HYDIN: variants seen among roughly 807,000 people sequenced by gnomAD.
HYDIN encodes axonemal central pair apparatus protein HYDIN.
A neutral mutation model predicts 403.9 loss-of-function variants in HYDIN; 132 were observed. That is an observed-to-expected ratio of 0.33 (90% CI 0.28 to 0.38). The LOEUF (loss-of-function observed/expected upper bound fraction) is 0.38. Ranked by LOEUF, HYDIN falls within the 10% of genes least tolerant of loss-of-function variation. The pLI is 1.00. For synonymous variants in HYDIN, 1,202 were observed against 1,891.7 expected (o/e 0.64, Z 9.46); for missense variants, 2,827 against 5,009.5 (o/e 0.56, Z 13.15).
chr16:70,906,264 C>T (rs1334997382), intron 50 of HYDIN, among the ~76,000 whole-genome samples: 5 of 152,080 alleles, frequency 3.3e-5, no homozygotes, highest in African/African-American at 9.7e-5. Flanking sequence ...CTACTTTCCA[C>T]AAAAACTGTT....
At chr16:70,810,189 C>T (rs1446337949) in intron 84 of HYDIN, among the ~76,000 whole-genome samples, 182 bp from the exon 85 acceptor site, 1 of 152,214 alleles carries the variant, frequency 6.6e-6, no homozygotes, top group East Asian at 1.9e-4. Context: ...CCTCTCCTAG[C>T]TTTCTCTAGT....
At chr16:71,042,350 A>G (rs980961443) in intron 18 of HYDIN, among the ~76,000 whole-genome samples, 1 of 151,904 alleles carries the variant, frequency 6.6e-6, no homozygotes, top group African/African-American at 2.4e-5. Context: ...ATTTGCCTCT[A>G]TATTGCTAAG....
At chr16:70,830,408 CA>C (rs2036896071) in intron 80 of HYDIN, among the ~76,000 whole-genome samples, 1 of 140,528 alleles carries the variant, frequency 7.1e-6, no homozygotes, top group Admixed American at 7.0e-5. Flanking sequence ...GATAAAGTGA[CA>C]GGGGACAGCA....
At chr16:71,168,135 T>C (rs956402946) in intron 5 of HYDIN, among the ~76,000 whole-genome samples, 2 of 151,136 alleles carry the variant, frequency 1.3e-5, no homozygotes, top group African/African-American at 4.9e-5. Flanking sequence ...CTGGCCAACA[T>C]AGTGAAACCC....
intron 46 of HYDIN, among the ~76,000 whole-genome samples, chr16:70,919,228 G>A (rs552673431): frequency 1.3e-3 from 194 of 152,348 alleles, no homozygotes; most frequent in Non-Finnish European, 2.1e-3. Flanking sequence ...CAGAGCCAGG[G>A]AGTTCTTCAA....
At chr16:70,926,363 A>G (rs11866384) in intron 45 of HYDIN, among the ~76,000 whole-genome samples, 2 of 151,938 alleles carry the variant, frequency 1.3e-5, no homozygotes, top group African/African-American at 4.8e-5. Context: ...TTGCAAGGAC[A>G]AAAAACCAAA....
At chr16:71,137,609 C>T (rs1274102775) in intron 7 of HYDIN, among the ~76,000 whole-genome samples, 1 of 151,934 alleles carries the variant, frequency 6.6e-6, no homozygotes, top group Non-Finnish European at 1.5e-5. Context: ...GTTGTGGGCA[C>T]TCCAAAACTT....
intron 1 of HYDIN, among the ~76,000 whole-genome samples, chr16:71,206,483 C>CTTG: frequency 6.6e-6 from 1 of 152,138 alleles, no homozygotes; most frequent in Non-Finnish European, 1.5e-5. Flanking sequence ...TGAGAGAGAA[C>CTTG]CAACGCAAGA....
chr16:70,829,908 G>A (rs112016079), intron 80 of HYDIN, 78 bp from the exon 81 acceptor site: 131 of 1,300,334 alleles, frequency 1.0e-4, no homozygotes, highest in South Asian at 8.2e-4. Flanking sequence ...CAGAATGTGC[G>A]CTGGGGAAGA....
Position 70,908,826 on chromosome 16 carries a change from G to T in HYDIN, c.8040C>A (p.Gly2680=). ...QEEQTSSSKG[G]KQKMKEKIDQ... ...CTATCTTTTCTTTCATTTTCTGTTT[G>T]CCCCCCTTAGATGAGCTGGTCTGCT... Residue 2680 remains glycine, a synonymous_variant, in exon 48 of 86, where the codon GGC becomes GGA. Coordinates refer to ENST00000393567, the MANE Select transcript of HYDIN (RefSeq NM_001270974.2). 1 of 1,614,120 alleles carries T rather than the reference G, an allele frequency of 6.2e-7. No homozygotes were observed. Among genetic ancestry groups the T allele is most frequent in the Non-Finnish European group, 8.5e-7 (1 of 1,180,034 alleles).
At chr16:70,890,740 C>A (rs2041416149) in intron 57 of HYDIN, among the ~76,000 whole-genome samples, 1 of 151,848 alleles carries the variant, frequency 6.6e-6, no homozygotes, top group East Asian at 1.9e-4. Flanking sequence ...TGATTGACAG[C>A]CTCCTTTTGA....
intron 12 of HYDIN, among the ~76,000 whole-genome samples, chr16:71,085,623 A>G (rs1183726542): frequency 6.6e-6 from 1 of 152,100 alleles, no homozygotes; most frequent in African/African-American, 2.4e-5. Flanking sequence ...TGCACTTCAC[A>G]TATTTTGGTG....
intron 53 of HYDIN, among the ~76,000 whole-genome samples, chr16:70,900,247 A>C (rs1442003957): frequency 6.6e-6 from 1 of 151,996 alleles, no homozygotes; most frequent in Admixed American, 6.6e-5. Context: ...AGGCCGAGGC[A>C]GGAGGATCAC....
At chr16:71,002,651 G>A (rs1017467452) in intron 23 of HYDIN, among the ~76,000 whole-genome samples, 3 of 149,174 alleles carry the variant, frequency 2.0e-5, no homozygotes, top group Non-Finnish European at 4.4e-5. Flanking sequence ...CACTTTTCAC[G>A]TTTGTATCTT....
intron 5 of HYDIN, among the ~76,000 whole-genome samples, chr16:71,174,501 A>G (rs2086590488): frequency 1.3e-5 from 2 of 152,170 alleles, no homozygotes; most frequent in African/African-American, 2.4e-5. Context: ...TTTGTTCTGC[A>G]TATTTAAGAC....
intron 18 of HYDIN, among the ~76,000 whole-genome samples, chr16:71,037,857 C>A (rs552433568): frequency 2.1e-4 from 32 of 152,202 alleles, no homozygotes; most frequent in Non-Finnish European, 3.5e-4. Flanking sequence ...AGGAGAGAAT[C>A]CAGCCTGACT....
chr16:70,949,943 A>C (rs2078011823), intron 41 of HYDIN, among the ~76,000 whole-genome samples: 1 of 143,358 alleles, frequency 7.0e-6, no homozygotes, highest in African/African-American at 2.6e-5. Flanking sequence ...ATATGGTAAC[A>C]GAGAAATAAG....
intron 9 of HYDIN, among the ~76,000 whole-genome samples, chr16:71,116,231 T>TG (rs2084023622): frequency 5.0e-5 from 1 of 19,890 alleles, no homozygotes; most frequent in East Asian, 2.0e-3. Context: ...GAGTTAGACC[T>TG]TTTTTTTTTT....
At chr16:70,910,225 A>G (rs2076658510) in intron 47 of HYDIN, among the ~76,000 whole-genome samples, 1 of 152,102 alleles carries the variant, frequency 6.6e-6, no homozygotes, top group Non-Finnish European at 1.5e-5. Context: ...GTAGTCTTTT[A>G]TCTCTTGCCC....
Sources: allele counts gnomAD v4.1 joint callset (sites outside exome capture counted in the v4.1 genomes callset), GRCh38; gene constraint gnomAD v4.1.1; transcripts MANE v1.5; gene names NCBI Gene and HGNC (gene_info 2026-07-23, HGNC 2026-07-21).